Variants in DLGAP2 observed in about 807,000 individuals in gnomAD.
DLGAP2 encodes the protein DLG associated protein 2, also known as disks large-associated protein 2.
A neutral mutation model predicts 100.3 loss-of-function variants in DLGAP2; 26 were observed. That is an observed-to-expected ratio of 0.26 (90% CI 0.19 to 0.36). The LOEUF (loss-of-function observed/expected upper bound fraction) is 0.36. Ranked by LOEUF, DLGAP2 falls within the 10% of genes least tolerant of loss-of-function variation. DLGAP2 has a pLI of 1.00. For synonymous variants in DLGAP2, 886 were observed against 630.1 expected, an observed-to-expected ratio of 1.41 and a Z score of -6.08; for missense variants, 1,858 against 1,453.2, an observed-to-expected ratio of 1.28 and a Z score of -4.53.
chr8:1,233,473 G>A (rs969703292), intron 2 of DLGAP2, among the ~76,000 whole-genome samples: 1 of 152,170 alleles, frequency 6.6e-6, no homozygotes, highest in African/African-American at 2.4e-5. Flanking sequence ...TGGCTAACGG[G>A]GCTAATCGCA....
chr8:1,583,052 A>G (rs1415531607), intron 6 of DLGAP2, among the ~76,000 whole-genome samples: 1 of 152,216 alleles, frequency 6.6e-6, no homozygotes, highest in Admixed American at 6.5e-5. Flanking sequence ...GCAAAAGTGA[A>G]TCTTATGAAA....
intron 1 of DLGAP2, among the ~76,000 whole-genome samples, chr8:896,847 T>G (rs1408140649): frequency 3.9e-5 from 6 of 152,202 alleles, no homozygotes; most frequent in Non-Finnish European, 8.8e-5. Flanking sequence ...CCCAGCTGAC[T>G]AAGACAAGTG....
rs1297123143 is a variant in DLGAP2, at chr8:878,788, C to G, written c.19-29124C>G. ...TTTGGCTTCTCTTTCACAAGGCCCA[C>G]TTCCCCTCCTACTTCTCTACCATGT... On this transcript the variant is annotated intron_variant, in intron 1 of 14. Transcript: ENST00000637795. Among the ~76,000 whole-genome samples the G allele has an allele frequency of 6.6e-5, 10 of 152,318 alleles. No individual in the cohort carries two copies. In the East Asian group the frequency reaches 1.7e-3, roughly 26 times the overall value.
chr8:1,168,560 A>G lies in DLGAP2; in HGVS notation c.74-90291A>G, dbSNP rs545801236. Among the ~76,000 whole-genome samples the G allele has an allele frequency of 1.0e-4, 15 of 146,822 alleles. No homozygotes were observed. In the East Asian group the frequency reaches 3.0e-3, roughly 30 times the overall value. On this transcript the variant is annotated intron_variant, in intron 2 of 14. Transcript: ENST00000637795. ...AGCACCTGTTGTTTCCTGACTTTTT[A>G]ATGATCGCCATTCTAACAGGTGTGA...
chr8:1,515,317 G>T (rs1188050235), intron 4 of DLGAP2, among the ~76,000 whole-genome samples: 1 of 152,190 alleles, frequency 6.6e-6, no homozygotes, highest in Non-Finnish European at 1.5e-5. Flanking sequence ...CCTGGGAGGG[G>T]CACAGAGAAA....
At chr8:1,499,469 C>T (rs1211435114) in intron 3 of DLGAP2, among the ~76,000 whole-genome samples, 1 of 152,208 alleles carries the variant, frequency 6.6e-6, no homozygotes, top group Admixed American at 6.5e-5. Context: ...TGACGATGGT[C>T]TCCATGGAAA....
chr8:1,380,937 CAAAAAAA>C (rs34675828), intron 3 of DLGAP2: 83 of 77,112 alleles, frequency 1.1e-3, no homozygotes, highest in African/African-American at 3.4e-3. Flanking sequence ...GAACATGATT[CAAAAAAA>C]AAAAAAAAAA....
intron 1 of DLGAP2, among the ~76,000 whole-genome samples, chr8:751,462 A>G (rs1380030617): frequency 6.6e-6 from 1 of 152,202 alleles, no homozygotes; most frequent in Non-Finnish European, 1.5e-5. Flanking sequence ...CTCTGTGACC[A>G]GGCCTCATAT....
chr8:1,429,159 GTTAA>G (rs1321356682), intron 3 of DLGAP2, among the ~76,000 whole-genome samples: 1 of 152,150 alleles, frequency 6.6e-6, no homozygotes, highest in African/African-American at 2.4e-5. Flanking sequence ...CCTACTTAGA[GTTAA>G]TTGATAGTTT....
intron 3 of DLGAP2, among the ~76,000 whole-genome samples, chr8:1,320,842 C>T (rs576999527): frequency 2.0e-5 from 3 of 152,170 alleles, no homozygotes; most frequent in South Asian, 2.1e-4. Flanking sequence ...TGTGTGTGCA[C>T]GTGTGTTTCT....
intron 3 of DLGAP2, among the ~76,000 whole-genome samples, chr8:1,492,737 C>T (rs1799426365): frequency 2.0e-5 from 3 of 152,212 alleles, no homozygotes; most frequent in African/African-American, 7.2e-5. Flanking sequence ...CCTTCCCCGG[C>T]TCCATGCTCA....
At chr8:1,476,474 G>T (rs1355635596) in intron 3 of DLGAP2, among the ~76,000 whole-genome samples, 2 of 152,158 alleles carry the variant, frequency 1.3e-5, no homozygotes, top group Admixed American at 6.5e-5. Flanking sequence ...TGAGCGCAGC[G>T]TGGGTATTTT....
intron 3 of DLGAP2, among the ~76,000 whole-genome samples, chr8:1,420,165 C>A (rs1193464863): frequency 2.6e-5 from 4 of 152,150 alleles, no homozygotes; most frequent in African/African-American, 4.8e-5. Flanking sequence ...AAGGCTAGTT[C>A]CCTGAGGACT....
chr8:1,381,950 A>G (rs1029591942), intron 3 of DLGAP2, among the ~76,000 whole-genome samples: 1 of 152,160 alleles, frequency 6.6e-6, no homozygotes, highest in Non-Finnish European at 1.5e-5. Context: ...GATAAAGTCT[A>G]CACAGTGTTT....
chr8:1,613,262 A>C (rs1420109292), intron 6 of DLGAP2, among the ~76,000 whole-genome samples: 1 of 145,504 alleles, frequency 6.9e-6, no homozygotes, highest in Non-Finnish European at 1.5e-5. Context: ...TGAAATTGGA[A>C]ATCATCATTC....
intron 2 of DLGAP2, among the ~76,000 whole-genome samples, chr8:1,146,703 G>T (rs1796614887): frequency 6.6e-6 from 1 of 151,972 alleles, no homozygotes; most frequent in Non-Finnish European, 1.5e-5. Flanking sequence ...GGAGAGGGGG[G>T]GCTACATTCA....
At chr8:836,999 C>G (rs1796890765) in intron 1 of DLGAP2, among the ~76,000 whole-genome samples, 1 of 152,194 alleles carries the variant, frequency 6.6e-6, no homozygotes, top group Admixed American at 6.5e-5. Context: ...TCTTACTTGG[C>G]TAGATAATGT....
intron 3 of DLGAP2, among the ~76,000 whole-genome samples, chr8:1,448,144 G>T (rs190003731): frequency 7.6e-4 from 115 of 152,098 alleles, no homozygotes; most frequent in African/African-American, 2.7e-3. Flanking sequence ...GAATGTGTTC[G>T]CTCTTGCTTT....
intron 3 of DLGAP2, among the ~76,000 whole-genome samples, chr8:1,403,777 A>G (rs569275008): frequency 3.4e-4 from 5 of 14,502 alleles, no homozygotes; most frequent in African/African-American, 4.9e-4. Flanking sequence ...CCACCTCCTC[A>G]TCCTCCAGGG....
Sources: gnomAD v4.1 joint callset for allele counts (sites outside exome capture counted in the v4.1 genomes callset) on GRCh38, gnomAD v4.1.1 for gene constraint, MANE v1.5 for transcripts, NCBI Gene and HGNC (gene_info 2026-07-23, HGNC 2026-07-21) for gene names.